Variants in MYRIP observed in about 807,000 individuals in gnomAD.
MYRIP encodes the protein myosin VIIA and Rab interacting protein.
Under a neutral mutation model 98.0 loss-of-function variants are expected in MYRIP, and 49 were observed. The ratio of observed to expected loss-of-function variants is 0.50; its 90% confidence interval spans 0.40 to 0.63. The LOEUF is 0.63. Among genes scored for constraint, MYRIP ranks in the 30% least tolerant of loss-of-function variants. MYRIP has a pLI of 0.00. For missense variants in MYRIP, 1,004 were observed against 1,058.2 expected (o/e 0.95, Z 0.71); for synonymous variants, 404 against 409.5 (o/e 0.99, Z 0.16).
At chr3:40,254,138 A>C (rs774399198) in intron 16 of MYRIP, among the ~76,000 whole-genome samples, 3 of 152,214 alleles carry the variant, frequency 2.0e-5, no homozygotes, top group Non-Finnish European at 2.9e-5. Flanking sequence ...CAATCGAGAA[A>C]AATAACGAGA....
In MYRIP at chr3:39,934,739, C is replaced by T. The variant is rs149441284; in HGVS notation, c.110+33813C>T. Among the ~76,000 whole-genome samples the T allele has an allele frequency of 1.2e-3, 188 of 152,212 alleles. 1 individual carries two copies. The highest frequency in any genetic ancestry group is 4.3e-3 in the African/African-American group (177 of 41,526). ...AGTTAATGTTTTTGTAGATGAGAAA[C>T]GTTATCAGTATACAGCGAGGCATCC... On this transcript the variant is annotated intron_variant, in intron 2 of 16. Transcript: ENST00000302541.
chr3:40,218,273 C>G (rs1449399097), intron 11 of MYRIP, among the ~76,000 whole-genome samples: 2 of 151,886 alleles, frequency 1.3e-5, no homozygotes, highest in Non-Finnish European at 2.9e-5. Flanking sequence ...GCACCAATGT[C>G]AATGAATCTT....
intron 2 of MYRIP, among the ~76,000 whole-genome samples, chr3:39,936,641 A>ATT (rs1459540335): frequency 1.3e-5 from 2 of 152,210 alleles, no homozygotes; most frequent in Non-Finnish European, 2.9e-5. Flanking sequence ...AGAAAGAATC[A>ATT]GAAGGCAGAG....
chr3:40,136,599 C>A (rs1324392554), intron 3 of MYRIP, among the ~76,000 whole-genome samples: 1 of 148,328 alleles, frequency 6.7e-6, no homozygotes, highest in Non-Finnish European at 1.5e-5. Context: ...CAGCACCACA[C>A]CACACCTATT....
intron 2 of MYRIP, among the ~76,000 whole-genome samples, chr3:39,991,242 C>T (rs915157639): frequency 6.6e-6 from 1 of 152,202 alleles, no homozygotes; most frequent in African/African-American, 2.4e-5. Context: ...AGAGACAAAA[C>T]ACTGCAACCT....
At chr3:39,981,948 A>C (rs1214448101) in intron 2 of MYRIP, among the ~76,000 whole-genome samples, 1 of 152,200 alleles carries the variant, frequency 6.6e-6, no homozygotes, top group Non-Finnish European at 1.5e-5. Context: ...ACACAAAAAA[A>C]CAAACATAGT....
At chr3:39,841,582 T>G (rs1194866071) in intron 1 of MYRIP, among the ~76,000 whole-genome samples, 1 of 152,202 alleles carries the variant, frequency 6.6e-6, no homozygotes. Flanking sequence ...TTCCCTCATC[T>G]TTGTGGATTT....
chr3:39,959,070 C>G (rs976236786), intron 2 of MYRIP, among the ~76,000 whole-genome samples: 1 of 152,196 alleles, frequency 6.6e-6, no homozygotes, highest in Non-Finnish European at 1.5e-5. Context: ...CACTTTTACA[C>G]TGTTGGTGGG....
chr3:39,991,682 G>C (rs1946182217), intron 2 of MYRIP, among the ~76,000 whole-genome samples: 1 of 152,022 alleles, frequency 6.6e-6, no homozygotes, highest in East Asian at 1.9e-4. Context: ...TCAAGTATTT[G>C]CTCAAATGTC....
intron 1 of MYRIP, among the ~76,000 whole-genome samples, chr3:39,843,670 T>C (rs1198713801): frequency 1.3e-5 from 2 of 152,182 alleles, no homozygotes; most frequent in Non-Finnish European, 2.9e-5. Flanking sequence ...TCTCAAGTGA[T>C]GGATAACAGT....
At chr3:39,983,606 C>G (rs371402427) in intron 2 of MYRIP, among the ~76,000 whole-genome samples, 2 of 152,286 alleles carry the variant, frequency 1.3e-5, no homozygotes, top group East Asian at 3.9e-4. Context: ...GCTGGGGGTA[C>G]AGCGGTAAGC....
At chr3:39,840,102 G>C (rs1453993589) in intron 1 of MYRIP, among the ~76,000 whole-genome samples, 1 of 152,154 alleles carries the variant, frequency 6.6e-6, no homozygotes, top group African/African-American at 2.4e-5. Flanking sequence ...TTGTGTGGTA[G>C]TCTAAGTCTT....
chr3:40,123,373 A>G (rs1017762422), intron 3 of MYRIP, among the ~76,000 whole-genome samples: 2 of 152,224 alleles, frequency 1.3e-5, no homozygotes, highest in Admixed American at 1.3e-4. Context: ...ATTTCCAAAC[A>G]TGGGCAGTTC....
At chr3:40,027,359 A>C (rs1254617079) in intron 2 of MYRIP, among the ~76,000 whole-genome samples, 1 of 152,034 alleles carries the variant, frequency 6.6e-6, no homozygotes, top group African/African-American at 2.4e-5. Context: ...AGTGGGCTTT[A>C]CTGACAGTGG....
intron 2 of MYRIP, among the ~76,000 whole-genome samples, chr3:39,953,463 G>A (rs144710470): frequency 6.6e-6 from 1 of 152,086 alleles, no homozygotes; most frequent in Non-Finnish European, 1.5e-5. Context: ...TGCTTTCATT[G>A]TTAGGCAACT....
intron 2 of MYRIP, among the ~76,000 whole-genome samples, chr3:39,954,259 C>T (rs111835158): frequency 0.13 from 19,023 of 152,136 alleles, 1,302 homozygotes; most frequent in East Asian, 0.25. Context: ...AGACACCTCC[C>T]AGTAGGGGCC....
intron 1 of MYRIP, among the ~76,000 whole-genome samples, chr3:39,876,495 A>C (rs1943000178): frequency 6.6e-6 from 1 of 151,974 alleles, no homozygotes; most frequent in Non-Finnish European, 1.5e-5. Context: ...GTTCCTTTCC[A>C]TGTTTAGTGC....
At chr3:39,955,401 C>A (rs1007553783) in intron 2 of MYRIP, among the ~76,000 whole-genome samples, 2 of 152,054 alleles carry the variant, frequency 1.3e-5, no homozygotes, top group Admixed American at 6.5e-5. Flanking sequence ...GAATTTTCAA[C>A]CCAGAATTTC....
chr3:40,153,900 C>T (rs1950167401), intron 4 of MYRIP, among the ~76,000 whole-genome samples: 3 of 152,118 alleles, frequency 2.0e-5, no homozygotes, highest in Admixed American at 6.6e-5. Context: ...CCAGCACTTT[C>T]GGAGGCTGAG....
Sources: gnomAD v4.1 joint callset for allele counts (sites outside exome capture counted in the v4.1 genomes callset) on GRCh38, gnomAD v4.1.1 for gene constraint, MANE v1.5 for transcripts, NCBI Gene and HGNC (gene_info 2026-07-23, HGNC 2026-07-21) for gene names.